Variants in RAPGEF6 observed in about 807,000 individuals in gnomAD.
RAPGEF6 encodes PDZ domain containing guanine nucleotide exchange factor (GEF) 2.
RAPGEF6 carries 56 observed loss-of-function variants against 171.4 expected under a neutral mutation model. The ratio of observed to expected loss-of-function variants is 0.33; its 90% CI spans 0.26 to 0.41. The LOEUF (loss-of-function observed/expected upper bound fraction) is 0.41. Ranked by LOEUF, RAPGEF6 falls within the 10% of genes least tolerant of loss-of-function variation. The pLI is 1.00. For missense variants in RAPGEF6, 1,674 were observed against 1,921.4 expected (o/e 0.87, Z 2.41); for synonymous variants, 692 against 650.1 (o/e 1.06, Z -0.98).
chr5:131,437,268 T>G (rs1378307645), intron 24 of RAPGEF6, among the ~76,000 whole-genome samples: 2 of 152,232 alleles, frequency 1.3e-5, no homozygotes, highest in Non-Finnish European at 2.9e-5. Flanking sequence ...TTGGCTACAA[T>G]TTTCTCACAA....
chr5:131,635,019 GGGTGAGTTCATGGCCACGGCCCGGGTACT>G lies in RAPGEF6; in HGVS notation c.-18_11del. On this transcript the variant is annotated start_lost and 5_prime_UTR_variant, in exon 1 of 28. Coordinates refer to ENST00000509018, the MANE Select transcript of RAPGEF6 (RefSeq NM_016340.6). ...ACGCCTGCCTAGCGCCAGGGTCCACGGGTGAGTTCATGGCCACGGCCCGGGTACTCCGCAGCCTGCCCTTAGCAGCCCAC... is the reference window on the plus strand; with the variant it reads ...ACGCCTGCCTAGCGCCAGGGTCCACGCCGCAGCCTGCCCTTAGCAGCCCAC... 6.2e-7 allele frequency: 1 copy of G among 1,611,956 alleles called. No homozygotes were observed. The highest frequency in any genetic ancestry group is 8.5e-7 in the Non-Finnish European group (1 of 1,178,416).
chr5:131,501,222 G>A (rs1452154784), intron 11 of RAPGEF6, among the ~76,000 whole-genome samples: 1 of 151,998 alleles, frequency 6.6e-6, no homozygotes, highest in Non-Finnish European at 1.5e-5. Context: ...TGTAGTCACA[G>A]CTACCTAGGA....
At position 131,431,366 on chromosome 5, in the gene RAPGEF6, C is replaced by T. The variant is rs372453693; in HGVS notation, c.3975-17G>A. On this transcript the variant is annotated splice_polypyrimidine_tract_variant and intron_variant, in intron 25 of 27. Transcript: ENST00000509018. ...AGTGTCCACCTAAAATTGGAGATAA[C>T]GTACAATTAGAAGGCTTGCCAGAAA... 4.7e-5 allele frequency: 74 copies of T among 1,569,940 alleles called. No homozygotes were observed. The African/African-American group carries it at 6.3e-4, about 13-fold the overall frequency.
In RAPGEF6 at chr5:131,612,788, CATATA is replaced by C. The variant is rs1219291781; in HGVS notation, c.70-8100_70-8096del. Among the ~76,000 whole-genome samples the C allele has an allele frequency of 9.9e-5, 15 of 152,060 alleles. No individual in the cohort carries two copies. In the East Asian group the frequency reaches 2.9e-3, roughly 29 times the overall value. On this transcript the variant is annotated intron_variant, in intron 1 of 27. Transcript: ENST00000509018. ...CTAAGACTCTCAACTAAACTTATAT[CATATA>C]ATTTTCTCCTTTCTCAAGTTACAGG... is the stretch of plus-strand genomic sequence containing the variant.
intron 21 of RAPGEF6, among the ~76,000 whole-genome samples, chr5:131,448,908 T>G (rs978127533): frequency 2.6e-5 from 4 of 151,834 alleles, no homozygotes; most frequent in South Asian, 4.1e-4. Context: ...GACCAAGACA[T>G]AAATTTGCGA....
At chr5:131,506,626 A>T (rs1185819537) in intron 9 of RAPGEF6, among the ~76,000 whole-genome samples, 1 of 152,198 alleles carries the variant, frequency 6.6e-6, no homozygotes, top group Non-Finnish European at 1.5e-5. Context: ...TTATTTTAAA[A>T]ATAAGATATA....
rs879146304 is a variant in RAPGEF6 at position 131,431,116 on chromosome 5, A to G, written c.4208T>C (p.Val1403Ala). 53 of 1,614,088 alleles carry G rather than the reference A, an allele frequency of 3.3e-5. No individual in the cohort carries two copies. Among genetic ancestry groups the G allele is most frequent in the Non-Finnish European group, 4.2e-5 (49 of 1,180,048 alleles). ...HTHLDDPIAE[V>A]EPTDSEPYSC... ...ATAGGGCTCAGAGTCAGTGGGTTCA[A>G]CTTCAGCAATGGGGTCATCCAAATG... Residue 1403 changes from valine (V) to alanine (A), a missense_variant, in exon 26 of 28, where the codon GTT (valine) becomes GCT (alanine). Physicochemically the swap from Val to Ala is moderately conservative, Grantham distance 64 (BLOSUM62 0). Transcript: ENST00000509018.
chr5:131,616,780 T>A (rs552782810), intron 1 of RAPGEF6, among the ~76,000 whole-genome samples: 44 of 149,086 alleles, frequency 3.0e-4, no homozygotes, highest in Non-Finnish European at 4.6e-4. Flanking sequence ...ACCCCCAGCT[T>A]TTTTTTTTTC....
chr5:131,615,527 T>C (rs1470948132), intron 1 of RAPGEF6, among the ~76,000 whole-genome samples: 1 of 152,160 alleles, frequency 6.6e-6, no homozygotes, highest in African/African-American at 2.4e-5. Flanking sequence ...TCTTCGGCAG[T>C]AAAAAATTTA....
chr5:131,502,295 C>T (rs1026831362), intron 11 of RAPGEF6, among the ~76,000 whole-genome samples: 5 of 152,044 alleles, frequency 3.3e-5, no homozygotes, highest in African/African-American at 1.2e-4. Context: ...GTAAAAAGTG[C>T]CGAATAGAAG....
At chr5:131,612,201 A>ATTTTTTTTTTT (rs35306366) in intron 1 of RAPGEF6, among the ~76,000 whole-genome samples, 3 of 83,328 alleles carry the variant, frequency 3.6e-5, no homozygotes, top group Admixed American at 1.6e-4. Flanking sequence ...TGCTCAGCTA[A>ATTTTTTTTTTT]TTTTTTTTTT....
In RAPGEF6 at chr5:131,521,478, T is replaced by C. The variant is rs762278642; in HGVS notation, c.539A>G (p.His180Arg). 1 of 1,612,542 alleles carries C rather than the reference T, an allele frequency of 6.2e-7. No individual in the cohort carries two copies. The highest frequency in any genetic ancestry group is 1.1e-5 in the South Asian group (1 of 90,884). Residue 180 changes from histidine (H) to arginine (R), a missense_variant, in exon 7 of 28, where the codon CAT (histidine) becomes CGT (arginine). Coordinates refer to ENST00000509018, the MANE Select transcript of RAPGEF6 (RefSeq NM_016340.6). ...AGAAGACACATGAGTCACCTGTGGA[T>C]GAGGGTTTTCTGTGAGATGCATCTT... Reference protein sequence around the residue: ...LTKMHLTENPHPQVTHVSSSQ... With the variant: ...LTKMHLTENPRPQVTHVSSSQ...
At chr5:131,616,266 AAACAAT>A (rs1242967639) in intron 1 of RAPGEF6, among the ~76,000 whole-genome samples, 1 of 152,228 alleles carries the variant, frequency 6.6e-6, no homozygotes, top group African/African-American at 2.4e-5. Context: ...TATACCCTTT[AAACAAT>A]TCTTACTTAC....
chr5:131,492,849 A>T lies in RAPGEF6; in HGVS notation c.1528-64T>A, dbSNP rs1403214538. The T allele has an allele frequency of 2.6e-5, 37 of 1,435,512 alleles. No individual in the cohort carries two copies. In the Middle Eastern group the frequency reaches 7.0e-4, roughly 27 times the overall value. The allele number at this position is 1,435,512 out of a possible 1,614,324, so 88.9% of individuals were successfully genotyped here. ...TATTCCTATAGGTTTTTAAAAAGTCAACGAAAATTATTAGAATTAGAGTTA... is the reference window on the plus strand; with the variant it reads ...TATTCCTATAGGTTTTTAAAAAGTCTACGAAAATTATTAGAATTAGAGTTA... On this transcript the variant is annotated intron_variant, in intron 13 of 27. Coordinates refer to ENST00000509018, the MANE Select transcript of RAPGEF6 (RefSeq NM_016340.6).
At chr5:131,506,900 TA>T (rs1019989000) in intron 9 of RAPGEF6, among the ~76,000 whole-genome samples, 1 of 151,732 alleles carries the variant, frequency 6.6e-6, no homozygotes, top group African/African-American at 2.4e-5. Flanking sequence ...ATATCCTGTT[TA>T]AAAAAATTAA....
chr5:131,567,903 A>C (rs192144412), intron 4 of RAPGEF6, among the ~76,000 whole-genome samples: 186 of 152,336 alleles, frequency 1.2e-3, no homozygotes, highest in African/African-American at 4.4e-3. Context: ...AAAAATTGCT[A>C]TGTATTCCTA....
chr5:131,634,829 G>A, intron 1 of RAPGEF6, 133 bp downstream of exon 1: 1 of 1,056,372 alleles, frequency 9.5e-7, no homozygotes, highest in Non-Finnish European at 1.4e-6. Context: ...GGTCAGGGAA[G>A]AGACTCAAGC....
intron 23 of RAPGEF6, chr5:131,439,929 AC>A: frequency 2.5e-6 from 2 of 802,042 alleles, no homozygotes; most frequent in Non-Finnish European, 3.8e-6. Context: ...GTCAGCATGG[AC>A]CAGATTATAT....
chr5:131,437,940 CTTTTT>C (rs796662385), intron 24 of RAPGEF6, among the ~76,000 whole-genome samples: 10 of 148,846 alleles, frequency 6.7e-5, no homozygotes, highest in African/African-American at 2.5e-4. Flanking sequence ...TTCTTTTCCT[CTTTTT>C]TTTTTGAGAT....
Sources: gnomAD v4.1 joint callset for allele counts (sites outside exome capture counted in the v4.1 genomes callset) on GRCh38, gnomAD v4.1.1 for gene constraint, MANE v1.5 for transcripts, NCBI Gene and HGNC (gene_info 2026-07-23, HGNC 2026-07-21) for gene names.